SGCD: variants seen among roughly 807,000 people sequenced by gnomAD.
SGCD encodes the protein sarcoglycan delta.
In SGCD, 18 loss-of-function variants were observed where a neutral mutation model predicts 36.6. The observed-to-expected ratio is 0.49, with a 90% CI of 0.34 to 0.73. The LOEUF (loss-of-function observed/expected upper bound fraction) is 0.73, where lower values mean the gene tolerates loss of function less well. Ranked by LOEUF, SGCD falls within the 30% of genes least tolerant of loss-of-function variation. The pLI, the probability that SGCD is intolerant of heterozygous loss-of-function variation, is 0.01. For missense variants in SGCD, 387 were observed against 346.7 expected (o/e 1.12, Z -0.92); for synonymous variants, 133 against 130.6 (o/e 1.02, Z -0.12).
At chr5:156,190,406 AGTT>A (rs1763862586) in intron 3 of SGCD, among the ~76,000 whole-genome samples, 2 of 152,132 alleles carry the variant, frequency 1.3e-5, no homozygotes, top group Non-Finnish European at 2.9e-5. Context: ...AACTGCTAAT[AGTT>A]GTTAACTTGT....
At chr5:155,799,396 A>T in the SGCD span, among the ~76,000 whole-genome samples, 183 of 124,792 alleles carry the variant, frequency 1.5e-3, 2 homozygotes, top group African/African-American at 4.2e-3. Flanking sequence ...CAATGACTTT[A>T]TTTTTTTTTT....
At chr5:156,017,835 T>C (rs1398585978) in intron 1 of SGCD, among the ~76,000 whole-genome samples, 6 of 152,150 alleles carry the variant, frequency 3.9e-5, no homozygotes, top group Non-Finnish European at 5.9e-5. Context: ...AGAACCATCA[T>C]CTCCTCTTTT....
chr5:155,812,660 T>A, the SGCD span, among the ~76,000 whole-genome samples: 1 of 152,212 alleles, frequency 6.6e-6, no homozygotes, highest in Non-Finnish European at 1.5e-5. Flanking sequence ...AATCAGTGTT[T>A]CTCAAAGTAT....
At chr5:156,070,906 A>T (rs1481660028) in intron 1 of SGCD, among the ~76,000 whole-genome samples, 1 of 152,162 alleles carries the variant, frequency 6.6e-6, no homozygotes, top group Non-Finnish European at 1.5e-5. Flanking sequence ...TAGATTTTCT[A>T]GTTTATTTGC....
chr5:155,878,884 C>G (rs555374003), intron 1 of SGCD, among the ~76,000 whole-genome samples: 6 of 152,148 alleles, frequency 3.9e-5, no homozygotes, highest in African/African-American at 1.4e-4. Context: ...TTATTTAAAC[C>G]AAACTTGTTA....
intron 3 of SGCD, among the ~76,000 whole-genome samples, chr5:156,311,259 A>T (rs1767382004): frequency 6.6e-6 from 1 of 152,128 alleles, no homozygotes; most frequent in African/African-American, 2.4e-5. Flanking sequence ...CTGTCATTTC[A>T]TATGAAGTTT....
intron 7 of SGCD, among the ~76,000 whole-genome samples, chr5:156,703,091 C>T (rs1221456615): frequency 6.6e-6 from 1 of 152,210 alleles, no homozygotes; most frequent in Non-Finnish European, 1.5e-5. Flanking sequence ...TTGACTCTGA[C>T]ATGATGTTGC....
chr5:155,758,393 T>A, the SGCD span, among the ~76,000 whole-genome samples: 1 of 152,216 alleles, frequency 6.6e-6, no homozygotes, highest in African/African-American at 2.4e-5. Flanking sequence ...TGTTTCCAAG[T>A]TATTGATGAT....
chr5:155,978,628 A>T (rs183022941), intron 1 of SGCD, among the ~76,000 whole-genome samples: 79 of 152,336 alleles, frequency 5.2e-4, no homozygotes, highest in African/African-American at 1.8e-3. Flanking sequence ...CCTTGTCTAG[A>T]CTTAGTCCTC....
At chr5:155,763,567 G>A in the SGCD span, among the ~76,000 whole-genome samples, 133,675 of 152,172 alleles carry the variant, frequency 0.88, 58,799 homozygotes, top group East Asian at 0.99. Context: ...AAATATAGGC[G>A]TGTTCTCAGA....
the SGCD span, among the ~76,000 whole-genome samples, chr5:155,771,965 T>C: frequency 6.6e-6 from 1 of 152,338 alleles, no homozygotes; most frequent in Non-Finnish European, 1.5e-5. Context: ...TAAGAAGATA[T>C]AATTGAGAAG....
intron 3 of SGCD, among the ~76,000 whole-genome samples, chr5:156,216,761 T>C (rs1764584636): frequency 6.6e-6 from 1 of 152,156 alleles, no homozygotes; most frequent in Non-Finnish European, 1.5e-5. Context: ...AATATACATT[T>C]TGAAAAAATT....
chr5:156,072,509 CTGA>C (rs2127588456), intron 1 of SGCD, among the ~76,000 whole-genome samples: 1 of 152,000 alleles, frequency 6.6e-6, no homozygotes, highest in East Asian at 1.9e-4. Context: ...CGCTGTTAGT[CTGA>C]TGGGCTTTCC....
At chr5:156,153,988 A>C (rs912060130) in intron 3 of SGCD, among the ~76,000 whole-genome samples, 1 of 151,610 alleles carries the variant, frequency 6.6e-6, no homozygotes, top group Non-Finnish European at 1.5e-5. Flanking sequence ...TCTTTATAAA[A>C]GATGTACTGT....
chr5:156,438,030 TG>T (rs1753317406), intron 3 of SGCD, among the ~76,000 whole-genome samples: 1 of 152,110 alleles, frequency 6.6e-6, no homozygotes, highest in Admixed American at 6.6e-5. Flanking sequence ...GAGGATACAT[TG>T]GGGAGGCTGG....
intron 7 of SGCD, among the ~76,000 whole-genome samples, chr5:156,670,167 G>C (rs1225935453): frequency 6.6e-6 from 1 of 152,078 alleles, no homozygotes; most frequent in Non-Finnish European, 1.5e-5. Context: ...AACCCAAAAA[G>C]ATAAAAATCA....
At chr5:155,824,714 C>T in the SGCD span, among the ~76,000 whole-genome samples, 2 of 152,126 alleles carry the variant, frequency 1.3e-5, no homozygotes, top group African/African-American at 4.8e-5. Flanking sequence ...GAACCCATGT[C>T]TTCACACCCC....
chr5:156,346,263 T>G (rs1480922906), intron 3 of SGCD, among the ~76,000 whole-genome samples: 12 of 152,074 alleles, frequency 7.9e-5, no homozygotes, highest in Admixed American at 7.9e-4. Context: ...GAGAAAATAA[T>G]TCAGTTCTTT....
intron 4 of SGCD, among the ~76,000 whole-genome samples, chr5:156,545,178 T>C (rs1462126606): frequency 6.6e-6 from 1 of 152,172 alleles, no homozygotes; most frequent in Non-Finnish European, 1.5e-5. Context: ...ATAAGACTTG[T>C]ATGTGTTTTC....
Sources: gnomAD v4.1 joint callset for allele counts (sites outside exome capture counted in the v4.1 genomes callset) on GRCh38, gnomAD v4.1.1 for gene constraint, MANE v1.5 for transcripts, NCBI Gene and HGNC (gene_info 2026-07-23, HGNC 2026-07-21) for gene names.